Variants in GFM1 observed in about 807,000 individuals in gnomAD.
The protein encoded by GFM1 is G elongation factor mitochondrial 1.
In GFM1, 62 loss-of-function variants were observed where a neutral mutation model predicts 96.2. The ratio of observed to expected loss-of-function variants is 0.64; its 90% CI spans 0.53 to 0.80. The LOEUF is 0.80. Ranked by LOEUF, GFM1 falls within the 30% of genes least tolerant of loss-of-function variation. GFM1 has a pLI of 0.00. For synonymous variants in GFM1, 282 were observed against 312.9 expected, an observed-to-expected ratio of 0.90 and a Z score of 1.04; for missense variants, 852 against 916.6, an observed-to-expected ratio of 0.93 and a Z score of 0.91.
At chr3:158,679,980 T>G (rs1725225219) in intron 13 of GFM1, among the ~76,000 whole-genome samples, 1 of 152,194 alleles carries the variant, frequency 6.6e-6, no homozygotes, top group African/African-American at 2.4e-5. Context: ...ATTTAGGCTG[T>G]CTTAAAAACA....
intron 15 of GFM1, chr3:158,685,461 T>G (rs1329093107): frequency 6.6e-6 from 1 of 152,208 alleles, no homozygotes; most frequent in East Asian, 1.9e-4. Context: ...GAAATATCTT[T>G]ATCAAAGAGG....
chr3:158,647,004 A>G, intron 4 of GFM1, 57 bp downstream of exon 4: 2 of 1,322,094 alleles, frequency 1.5e-6, no homozygotes, highest in Non-Finnish European at 2.2e-6. Context: ...CAAACCTTAT[A>G]TCCAAAAGGG....
Position 158,694,861 on chromosome 3 carries a change from T to C in GFM1, c.*3394T>C, listed in dbSNP as rs1244225032. Among the ~76,000 whole-genome samples, 6 of 152,192 alleles carry C rather than the reference T, an allele frequency of 3.9e-5. No individual in the cohort carries two copies. The highest frequency in any genetic ancestry group is 3.3e-4 in the Admixed American group (5 of 15,288). On this transcript the variant is annotated 3_prime_UTR_variant, in exon 18 of 18. Transcript: ENST00000486715. ...GTAGACAAAATCCCTGGTATTATTT[T>C]ATATGTCTTAAGAAAGTTCTAAAGG...
chr3:158,652,381 TC>T (rs1363601473), intron 6 of GFM1, 135 bp downstream of exon 6: 9 of 766,280 alleles, frequency 1.2e-5, no homozygotes, highest in Admixed American at 5.1e-5. Context: ...ATAATTGGCT[TC>T]CTCAAAAAAT....
At chr3:158,674,482 G>C (rs1724697575) in intron 13 of GFM1, among the ~76,000 whole-genome samples, 1 of 151,958 alleles carries the variant, frequency 6.6e-6, no homozygotes, top group African/African-American at 2.4e-5. Context: ...CTGTCTCCTG[G>C]GATAAATTTA....
At chr3:158,670,595 C>T (rs1450386996) in intron 13 of GFM1, among the ~76,000 whole-genome samples, 1 of 152,170 alleles carries the variant, frequency 6.6e-6, no homozygotes, top group East Asian at 1.9e-4. Context: ...CAGTGTTTTT[C>T]AGAGGCAGGT....
rs1303110007 is a variant in GFM1, at chr3:158,691,984, T to G, written c.*517T>G. On this transcript the variant is annotated 3_prime_UTR_variant, in exon 18 of 18. Coordinates refer to ENST00000486715, the MANE Select transcript of GFM1 (RefSeq NM_024996.7). ...AAGTCTCATAACTCTATTTTTAGTTTGCTGAAGACTTGAAAGTGAATCGCA... is the reference window on the plus strand; with the variant it reads ...AAGTCTCATAACTCTATTTTTAGTTGGCTGAAGACTTGAAAGTGAATCGCA... 9 of 157,978 alleles carry G rather than the reference T, an allele frequency of 5.7e-5. No individual in the cohort carries two copies. Among genetic ancestry groups the G allele is most frequent in the African/African-American group, 2.2e-4 (9 of 41,620 alleles). The allele number at this position is 157,978 out of a possible 1,614,324, so 9.8% of individuals were successfully genotyped here.
At chr3:158,645,878 C>T in intron 2 of GFM1, 97 bp downstream of exon 2, 1 of 1,159,870 alleles carries the variant, frequency 8.6e-7, no homozygotes, top group Non-Finnish European at 1.3e-6. Flanking sequence ...AAGATTAAAA[C>T]AATGGTAACA....
rs778603797 is a variant in GFM1 at position 158,645,768 on chromosome 3, C to T, written c.221C>T (p.Ala74Val). ...ERVLYYTGRI[A>V]KMHEVKGKDG... ...GTCCTTTACTACACTGGCAGAATTG[C>T]AAAGATGCATGAGGTATATATTCAC... Residue 74 changes from alanine to valine, a missense_variant, in exon 2 of 18, where the codon GCA (alanine) becomes GTA (valine). By Grantham distance (64) the Ala-to-Val change is moderately conservative. Coordinates refer to ENST00000486715, the MANE Select transcript of GFM1 (RefSeq NM_024996.7). 8.7e-6 allele frequency: 14 copies of T among 1,612,096 alleles called. No homozygotes were observed. In the African/African-American group the frequency reaches 1.6e-4, roughly 18 times the overall value.
intron 15 of GFM1, among the ~76,000 whole-genome samples, chr3:158,689,074 T>C (rs1726097201): frequency 6.6e-6 from 1 of 152,228 alleles, no homozygotes; most frequent in South Asian, 2.1e-4. Flanking sequence ...TTGGAGATAA[T>C]GTAACAAACC....
At position 158,676,995 on chromosome 3, in the gene GFM1, C is replaced by T. The variant is rs370512916; in HGVS notation, c.1602-5000C>T. On this transcript the variant is annotated intron_variant, in intron 13 of 17. Coordinates refer to ENST00000486715, the MANE Select transcript of GFM1 (RefSeq NM_024996.7). ...GATTACAGGCATGAGCCGCCACGCC[C>T]GGCCTCACCTCCATTTTTCTAATAG... Among the ~76,000 whole-genome samples, 137 of 152,238 alleles carry T rather than the reference C, an allele frequency of 9.0e-4. No homozygotes were observed. The South Asian group carries it at 0.012, about 13-fold the overall frequency.
chr3:158,667,185 TAA>T, intron 13 of GFM1: 1 of 1,151,802 alleles, frequency 8.7e-7, no homozygotes, highest in Non-Finnish European at 1.2e-6. Context: ...TCCATTTAGG[TAA>T]AAATAAAAAT....
chr3:158,672,613 T>G, intron 13 of GFM1: 1 of 1,012,036 alleles, frequency 9.9e-7, no homozygotes, highest in Non-Finnish European at 1.4e-6. Context: ...GTCAGTCTTC[T>G]TCCTCAGCTC....
rs1166375971 is a variant in GFM1, at chr3:158,644,561, C to T, written c.-74C>T. The T allele has an allele frequency of 1.6e-6, 2 of 1,275,540 alleles. No homozygotes were observed. Among genetic ancestry groups the T allele is most frequent in the South Asian group, 1.3e-5 (1 of 77,762 alleles). The allele number at this position is 1,275,540 out of a possible 1,614,324, so 79.0% of individuals were successfully genotyped here. ...ACATTGGCTGCCGGCGTGACTTTGACCGCTTCCCGGTGCGTTACCGGCAGC... is the reference window on the plus strand; with the variant it reads ...ACATTGGCTGCCGGCGTGACTTTGATCGCTTCCCGGTGCGTTACCGGCAGC... On this transcript the variant is annotated 5_prime_UTR_variant, in exon 1 of 18. Transcript: ENST00000486715.
At chr3:158,680,195 G>C (rs555797962) in intron 13 of GFM1, among the ~76,000 whole-genome samples, 98 of 152,148 alleles carry the variant, frequency 6.4e-4, no homozygotes, top group African/African-American at 2.0e-3. Context: ...GTGTAGTTTT[G>C]TTATATGGAT....
intron 15 of GFM1, among the ~76,000 whole-genome samples, chr3:158,688,075 G>A (rs902398257): frequency 1.3e-4 from 20 of 151,336 alleles, no homozygotes; most frequent in African/African-American, 4.7e-4. Flanking sequence ...GTTATATCTT[G>A]TCAAAATTGG....
In GFM1 at chr3:158,665,411, C is replaced by T; in HGVS notation, c.1455C>T (p.Asp485=). 1 of 1,608,452 alleles carries T rather than the reference C, an allele frequency of 6.2e-7. No individual in the cohort carries two copies. The highest frequency in any genetic ancestry group is 1.1e-5 in the South Asian group (1 of 90,942). Residue 485 remains aspartate (D), a synonymous_variant, in exon 12 of 18, where the codon GAC becomes GAT. Coordinates refer to ENST00000486715, the MANE Select transcript of GFM1 (RefSeq NM_024996.7). ...ATCCCACATTTAAAGTATACTTTGA[C>T]ACTGAGAACAAAGAGACAGTTATAT... is the stretch of plus-strand genomic sequence containing the variant. The part of the protein sequence containing the change: ...REDPTFKVYF[D]TENKETVISG...
chr3:158,679,817 T>C (rs1297763971), intron 13 of GFM1, among the ~76,000 whole-genome samples: 1 of 152,226 alleles, frequency 6.6e-6, no homozygotes, highest in Non-Finnish European at 1.5e-5. Context: ...TGCTAGTTAA[T>C]ATCTCCTGTG....
chr3:158,647,502 A>G (rs1721917107), intron 4 of GFM1, among the ~76,000 whole-genome samples: 1 of 152,218 alleles, frequency 6.6e-6, no homozygotes, highest in Non-Finnish European at 1.5e-5. Flanking sequence ...AAGAGTCAGA[A>G]TTTCACTTTT....
Sources: gnomAD v4.1 joint callset for allele counts (sites outside exome capture counted in the v4.1 genomes callset) on GRCh38, gnomAD v4.1.1 for gene constraint, MANE v1.5 for transcripts, NCBI Gene and HGNC (gene_info 2026-07-23, HGNC 2026-07-21) for gene names.